The following ZFX variants were observed in gnomAD, a reference collection of about 807,000 sequenced individuals.
ZFX encodes zinc finger protein X-linked.
For missense variants in ZFX, 362 were observed against 628.3 expected (o/e 0.58, Z 4.53); for synonymous variants, 196 against 226.8 (o/e 0.86, Z 1.22).
At chrX:24,207,540 T>G in intron 6 of ZFX, 65 bp downstream of exon 6, 1 of 1,159,595 alleles carries the variant, frequency 8.6e-7, no homozygotes, top group Admixed American at 2.5e-5. Flanking sequence ...TACTTTTGGG[T>G]TATTTAGATT....
chrX:24,175,301 G>A, intron 4 of ZFX: 1 of 111,953 alleles, frequency 8.9e-6, no homozygotes, highest in South Asian at 3.7e-4. Context: ...AACACTTAAT[G>A]GTATTTGTTT....
At chrX:24,181,754 A>AT (rs1935707068) in intron 5 of ZFX, among the ~76,000 whole-genome samples, 1 of 110,648 alleles carries the variant, frequency 9.0e-6, no homozygotes, top group Non-Finnish European at 1.9e-5. Context: ...GAGAATGTTC[A>AT]TTTCCCTACA....
At chrX:24,210,144 G>C in intron 9 of ZFX, 49 bp from the exon 10 acceptor site, 1 of 1,206,045 alleles carries the variant, frequency 8.3e-7, no homozygotes, top group East Asian at 3.0e-5. Flanking sequence ...AAAGAAACTG[G>C]AACAGAACTT....
chrX:24,163,840 GA>G (rs746749182), intron 3 of ZFX, among the ~76,000 whole-genome samples: 4,070 of 44,957 alleles, frequency 0.091, 91 homozygotes, highest in East Asian at 0.17. Context: ...TTAAAAAAAA[GA>G]AAAAAAAAAA....
At chrX:24,160,020 C>T (rs1303727608) in intron 3 of ZFX, among the ~76,000 whole-genome samples, 3 of 109,138 alleles carry the variant, frequency 2.7e-5, no homozygotes, top group African/African-American at 6.5e-5. Context: ...CTTTTAAAAA[C>T]CTAATTTTGT....
chrX:24,164,863 C>G (rs944128237), intron 3 of ZFX, among the ~76,000 whole-genome samples: 19 of 107,977 alleles, frequency 1.8e-4, no homozygotes, highest in East Asian at 5.8e-4. Flanking sequence ...TTGCTTGAAC[C>G]TGGGAGGCAG....
chrX:24,179,076 A>G, intron 4 of ZFX, 107 bp from the exon 5 acceptor site: 1 of 683,591 alleles, frequency 1.5e-6, no homozygotes, highest in South Asian at 2.8e-5. Flanking sequence ...AATGTTTAAG[A>G]AAACTGAGGA....
intron 5 of ZFX, among the ~76,000 whole-genome samples, chrX:24,193,358 T>G (rs996871686): frequency 8.9e-5 from 10 of 112,153 alleles, no homozygotes; most frequent in African/African-American, 3.2e-4. Context: ...TGTTGTATGA[T>G]TCCATCTATG....
chrX:24,203,773 CTCTT>C (rs1416310455), intron 5 of ZFX, among the ~76,000 whole-genome samples: 1 of 111,854 alleles, frequency 8.9e-6, no homozygotes, highest in Non-Finnish European at 1.9e-5. Flanking sequence ...TTTGTCCCCT[CTCTT>C]TCTCTTCACC....
chrX:24,206,195 C>G (rs1331251844), intron 5 of ZFX, among the ~76,000 whole-genome samples: 1 of 112,201 alleles, frequency 8.9e-6, no homozygotes, highest in Non-Finnish European at 1.9e-5. Flanking sequence ...TGACCAATCT[C>G]ATTGTGGTGT....
In ZFX at chrX:24,210,597, C is replaced by A. The variant is rs762780438; in HGVS notation, c.1639C>A (p.Pro547Thr). 1.7e-6 allele frequency: 2 copies of A among 1,211,780 alleles called. No homozygotes were observed. Residue 547 changes from proline to threonine, a missense_variant, in exon 10 of 10, where the codon CCT becomes ACT. Pro to Thr is a conservative substitution (Grantham distance 38). Transcript: ENST00000304543. Reference protein sequence around the residue: ...HLLAVHSKNFPHICVECGKGF... With the variant: ...HLLAVHSKNFTHICVECGKGF... ...CTTGGCAGTCCACAGCAAGAACTTT[C>A]CTCATATTTGTGTGGAGTGTGGTAA...
chrX:24,177,193 A>G (rs1320706455), intron 4 of ZFX, among the ~76,000 whole-genome samples: 1 of 112,251 alleles, frequency 8.9e-6, no homozygotes, highest in African/African-American at 3.2e-5. Flanking sequence ...CGGCCTCCCA[A>G]AGTGCTGGGA....
intron 3 of ZFX, among the ~76,000 whole-genome samples, chrX:24,164,575 C>T (rs1366040182): frequency 9.0e-6 from 1 of 111,487 alleles, no homozygotes; most frequent in Non-Finnish European, 1.9e-5. Flanking sequence ...GGTCAAATTA[C>T]AGCGTTGGTG....
chrX:24,180,435 G>A (rs1935583906), intron 5 of ZFX, among the ~76,000 whole-genome samples: 1 of 106,288 alleles, frequency 9.4e-6, no homozygotes, highest in Non-Finnish European at 1.9e-5. Flanking sequence ...AGGCTGGAGT[G>A]CAGTGGTGCG....
intron 3 of ZFX, among the ~76,000 whole-genome samples, chrX:24,156,122 C>T (rs1932773301): frequency 8.9e-6 from 1 of 111,956 alleles, no homozygotes; most frequent in South Asian, 3.7e-4. Context: ...GTCTCGAACT[C>T]CTGACCTCAA....
At chrX:24,196,897 AGGTT>A (rs772675438) in intron 5 of ZFX, among the ~76,000 whole-genome samples, 89 of 112,541 alleles carry the variant, frequency 7.9e-4, no homozygotes, top group Non-Finnish European at 1.4e-3. Context: ...GTTTGGCTGT[AGGTT>A]GGTTTGTTTG....
intron 3 of ZFX, among the ~76,000 whole-genome samples, chrX:24,161,313 A>G (rs942745269): frequency 1.8e-5 from 2 of 112,325 alleles, no homozygotes; most frequent in Non-Finnish European, 3.8e-5. Context: ...TGATACATAC[A>G]GAAATTCAGT....
At chrX:24,180,978 A>C (rs1195729457) in intron 5 of ZFX, among the ~76,000 whole-genome samples, 1 of 112,474 alleles carries the variant, frequency 8.9e-6, no homozygotes, top group Non-Finnish European at 1.9e-5. Context: ...TGGCTAGGCC[A>C]CGGTTCTGAC....
chrX:24,207,564 G>T (rs1424195517), intron 6 of ZFX, 89 bp downstream of exon 6: 1 of 1,137,544 alleles, frequency 8.8e-7, no homozygotes, highest in Non-Finnish European at 1.2e-6. Flanking sequence ...AACATTTGGA[G>T]TCTCTTCTGA....
Sources: allele counts gnomAD v4.1 joint callset (sites outside exome capture counted in the v4.1 genomes callset), GRCh38; gene constraint gnomAD v4.1.1; transcripts MANE v1.5; gene names NCBI Gene and HGNC (gene_info 2026-07-23, HGNC 2026-07-21).